Variants in WWOX observed in about 807,000 individuals in gnomAD.
WWOX encodes the protein WW domain-containing oxidoreductase.
A neutral mutation model predicts 46.2 loss-of-function variants in WWOX; 69 were observed. The ratio of observed to expected loss-of-function variants is 1.49; its 90% CI spans 1.23 to 1.82. The LOEUF (loss-of-function observed/expected upper bound fraction) is 1.82, where lower values mean the gene tolerates loss of function less well. Ranked by LOEUF, WWOX falls within the 40% of genes most tolerant of loss-of-function variation. The pLI, the probability that WWOX is intolerant of heterozygous loss-of-function variation, is 0.00. For missense variants in WWOX, 919 were observed against 542.6 expected (o/e 1.69, Z -6.89); for synonymous variants, 359 against 202.6 (o/e 1.77, Z -6.56).
intron 8 of WWOX, among the ~76,000 whole-genome samples, chr16:79,105,739 T>A (rs2049295861): frequency 6.6e-6 from 1 of 151,890 alleles, no homozygotes; most frequent in Admixed American, 6.6e-5. Flanking sequence ...CTTGGCTCAC[T>A]GCAACCTCCA....
At chr16:78,446,300 T>A (rs1199783254) in intron 8 of WWOX, among the ~76,000 whole-genome samples, 1 of 152,200 alleles carries the variant, frequency 6.6e-6, no homozygotes, top group African/African-American at 2.4e-5. Context: ...CGCTTTTGAC[T>A]GAGGAGGTCT....
At chr16:78,134,880 C>A (rs956680703) in intron 4 of WWOX, among the ~76,000 whole-genome samples, 1 of 152,166 alleles carries the variant, frequency 6.6e-6, no homozygotes, top group Non-Finnish European at 1.5e-5. Flanking sequence ...GGTGATCCCA[C>A]TGTGGATAGA....
At chr16:78,592,010 C>T (rs771819589) in intron 8 of WWOX, among the ~76,000 whole-genome samples, 13 of 152,206 alleles carry the variant, frequency 8.5e-5, no homozygotes, top group Non-Finnish European at 1.8e-4. Flanking sequence ...GATTGATTAT[C>T]CCTCAAGGTA....
At chr16:79,168,653 C>G (rs902787794) in intron 8 of WWOX, among the ~76,000 whole-genome samples, 1 of 152,104 alleles carries the variant, frequency 6.6e-6, no homozygotes, top group Non-Finnish European at 1.5e-5. Context: ...ACTAGAATTT[C>G]CAGGTACTTT....
rs150838640 is a variant in WWOX at position 78,887,276 on chromosome 16, C to T, written c.1057-324332C>T. 2.7e-3 allele frequency among the ~76,000 whole-genome samples: 406 copies of T among 152,016 alleles called. 3 individuals are homozygous for T. The highest frequency in any genetic ancestry group is 6.8e-3 in the Middle Eastern group (2 of 292). On this transcript the variant is annotated intron_variant, in intron 8 of 8. Coordinates refer to ENST00000566780, the MANE Select transcript of WWOX (RefSeq NM_016373.4). ...ATGCTATTTCATTATACCAGCAATTCCCCTGTGGATTTCTCCTGACTCTCT... is the reference window on the plus strand; with the variant it reads ...ATGCTATTTCATTATACCAGCAATTTCCCTGTGGATTTCTCCTGACTCTCT...
Position 79,049,608 on chromosome 16 carries a change from T to G in WWOX, c.1057-162000T>G, listed in dbSNP as rs1597324565. On this transcript the variant is annotated intron_variant, in intron 8 of 8. Transcript: ENST00000566780. Reference sequence around the variant, plus strand: ...ATCCCAGCACTTTGGGAGGCCGAGGTGGGTGGATCACGAGGTCAGGAGTTC... The same window carrying G: ...ATCCCAGCACTTTGGGAGGCCGAGGGGGGTGGATCACGAGGTCAGGAGTTC... 5.9e-5 allele frequency among the ~76,000 whole-genome samples: 9 copies of G among 151,920 alleles called. No homozygotes were observed. In the South Asian group the frequency reaches 1.9e-3, roughly 32 times the overall value.
At chr16:78,615,900 G>A (rs373638407) in intron 8 of WWOX, among the ~76,000 whole-genome samples, 12 of 151,820 alleles carry the variant, frequency 7.9e-5, no homozygotes, top group African/African-American at 2.4e-4. Flanking sequence ...ACAGGCGCCC[G>A]CCACCACACT....
At position 78,582,565 on chromosome 16, in the gene WWOX, T is replaced by C. The variant is rs1029435206; in HGVS notation, c.1056+149813T>C. Among the ~76,000 whole-genome samples, 9 of 152,314 alleles carry C rather than the reference T, an allele frequency of 5.9e-5. No individual in the cohort carries two copies. The South Asian group carries it at 1.9e-3, about 32-fold the overall frequency. ...AGACGTTATGTGCAATCCTTGTGTT[T>C]CTAATTATATGTTGATCAATGACAC... On this transcript the variant is annotated intron_variant, in intron 8 of 8. Coordinates refer to ENST00000566780, the MANE Select transcript of WWOX (RefSeq NM_016373.4).
At chr16:78,941,482 A>G (rs904238402) in intron 8 of WWOX, among the ~76,000 whole-genome samples, 6 of 149,646 alleles carry the variant, frequency 4.0e-5, no homozygotes, top group Non-Finnish European at 8.9e-5. Context: ...TTTTGTCAGT[A>G]GAGGGTGAAA....
chr16:78,773,565 C>G (rs1012131993), intron 8 of WWOX, among the ~76,000 whole-genome samples: 1 of 152,178 alleles, frequency 6.6e-6, no homozygotes, highest in Non-Finnish European at 1.5e-5. Flanking sequence ...ACTAGTGGGG[C>G]TCTCACTTAT....
At chr16:78,899,361 C>A (rs1459434064) in intron 8 of WWOX, 4 of 152,292 alleles carry the variant, frequency 2.6e-5, no homozygotes, top group South Asian at 4.1e-4. Flanking sequence ...AGGATTTGTT[C>A]CGGAAACCTA....
chr16:79,127,052 T>G (rs1213902865), intron 8 of WWOX, among the ~76,000 whole-genome samples: 3 of 152,058 alleles, frequency 2.0e-5, no homozygotes, highest in Non-Finnish European at 4.4e-5. Flanking sequence ...GATTAAAAAA[T>G]GTACATATAC....
intron 5 of WWOX, among the ~76,000 whole-genome samples, chr16:78,279,973 C>G (rs1319279089): frequency 2.0e-5 from 3 of 152,190 alleles, no homozygotes; most frequent in South Asian, 2.1e-4. Context: ...ACAGATGAAT[C>G]AAATGAATCC....
At chr16:78,877,272 C>A (rs1485676872) in intron 8 of WWOX, among the ~76,000 whole-genome samples, 1 of 137,248 alleles carries the variant, frequency 7.3e-6, no homozygotes, top group Non-Finnish European at 1.6e-5. Context: ...GTATGCCCTG[C>A]CTGCCTCCCC....
At chr16:78,312,103 C>T (rs937324082) in intron 5 of WWOX, among the ~76,000 whole-genome samples, 2 of 152,148 alleles carry the variant, frequency 1.3e-5, no homozygotes, top group South Asian at 2.1e-4. Context: ...CTTTTGCCTC[C>T]TCCTCTTACT....
intron 8 of WWOX, among the ~76,000 whole-genome samples, chr16:78,748,984 A>T (rs2049414548): frequency 6.6e-6 from 1 of 152,380 alleles, no homozygotes; most frequent in East Asian, 1.9e-4. Flanking sequence ...AACCTGACCA[A>T]ATCAACGACT....
intron 8 of WWOX, among the ~76,000 whole-genome samples, chr16:78,434,690 C>T (rs559537551): frequency 3.9e-5 from 6 of 152,104 alleles, no homozygotes; most frequent in African/African-American, 1.4e-4. Flanking sequence ...TTCGTTTTCT[C>T]CTTCTTCCAT....
intron 8 of WWOX, among the ~76,000 whole-genome samples, chr16:78,678,227 T>C (rs1266690380): frequency 2.0e-5 from 3 of 152,034 alleles, no homozygotes; most frequent in East Asian, 1.9e-4. Flanking sequence ...AGTGAGTGAA[T>C]GGGCTGGGTG....
At chr16:78,564,162 C>G (rs2044507683) in intron 8 of WWOX, among the ~76,000 whole-genome samples, 1 of 152,224 alleles carries the variant, frequency 6.6e-6, no homozygotes, top group Admixed American at 6.5e-5. Flanking sequence ...ATTGCTGACT[C>G]ATGCAATCTT....
Sources: allele counts gnomAD v4.1 joint callset (sites outside exome capture counted in the v4.1 genomes callset), GRCh38; gene constraint gnomAD v4.1.1; transcripts MANE v1.5; gene names NCBI Gene and HGNC (gene_info 2026-07-23, HGNC 2026-07-21).